ARID5B: variants seen among roughly 807,000 people sequenced by gnomAD.
The protein encoded by ARID5B is AT-rich interactive domain-containing protein 5B.
A neutral mutation model predicts 97.2 loss-of-function variants in ARID5B; 13 were observed. The ratio of observed to expected loss-of-function variants is 0.13; its 90% CI spans 0.09 to 0.21. ARID5B has a LOEUF of 0.21. Among genes scored for constraint, ARID5B ranks in the 10% least tolerant of loss-of-function variants. The pLI is 1.00. For synonymous variants in ARID5B, 556 were observed against 570.3 expected (o/e 0.97, Z 0.36); for missense variants, 1,210 against 1,465.3 (o/e 0.83, Z 2.84).
intron 4 of ARID5B, among the ~76,000 whole-genome samples, chr10:62,020,405 G>A (rs1278090468): frequency 6.6e-6 from 1 of 152,116 alleles, no homozygotes; most frequent in African/African-American, 2.4e-5. Context: ...AATGATCAAA[G>A]AGTCTGTTTG....
intron 4 of ARID5B, among the ~76,000 whole-genome samples, chr10:62,010,458 C>A (rs551277113): frequency 1.3e-5 from 2 of 152,160 alleles, no homozygotes; most frequent in South Asian, 4.1e-4. Context: ...TGAAATGATA[C>A]GAAAACTCTG....
chr10:61,996,325 TA>T (rs1838995194), intron 3 of ARID5B, among the ~76,000 whole-genome samples: 1 of 152,076 alleles, frequency 6.6e-6, no homozygotes, highest in African/African-American at 2.4e-5. Context: ...TCCTCGTCCC[TA>T]ATAGTGTAAA....
intron 3 of ARID5B, among the ~76,000 whole-genome samples, chr10:61,980,872 A>G (rs1197763374): frequency 6.6e-6 from 1 of 152,208 alleles, no homozygotes; most frequent in East Asian, 1.9e-4. Context: ...CTAGGATGCC[A>G]GTATCCCAAA....
intron 4 of ARID5B, among the ~76,000 whole-genome samples, chr10:62,040,179 G>A (rs1352329903): frequency 1.3e-5 from 2 of 151,850 alleles, no homozygotes; most frequent in Non-Finnish European, 2.9e-5. Flanking sequence ...CCAGTCTGTT[G>A]TCAAAGCTTA....
chr10:62,049,223 G>C (rs988416324), intron 4 of ARID5B: 2 of 1,359,174 alleles, frequency 1.5e-6, no homozygotes, highest in African/African-American at 1.5e-5. Flanking sequence ...AGCCCTCCCT[G>C]CCAGTCTGGC....
intron 3 of ARID5B, among the ~76,000 whole-genome samples, chr10:61,971,103 CT>C (rs982911654): frequency 2.0e-5 from 3 of 152,152 alleles, no homozygotes. Context: ...GGCATCCTGC[CT>C]TTTGGCTGGA....
At chr10:61,990,271 G>A (rs898401461) in intron 3 of ARID5B, among the ~76,000 whole-genome samples, 1 of 152,232 alleles carries the variant, frequency 6.6e-6, no homozygotes, top group Non-Finnish European at 1.5e-5. Flanking sequence ...CAGTTGCAGA[G>A]GTGGCTCAGC....
At chr10:61,948,380 A>ATTT (rs71470784) in intron 3 of ARID5B, among the ~76,000 whole-genome samples, 27 of 86,198 alleles carry the variant, frequency 3.1e-4, no homozygotes, top group Admixed American at 2.3e-3. Context: ...ACTTTAGGTA[A>ATTT]TTTTTTTTTT....
rs1840470589 is a variant in ARID5B at position 62,096,373 on chromosome 10, TTGG to T, written c.*3351_*3353del. On this transcript the variant is annotated 3_prime_UTR_variant, in exon 10 of 10. Transcript: ENST00000279873. ...CACTTATCGTCCCACAAAGTCACAT[TTGG>T]TGGTGGTCAGCCAAGTCGCATCTGG... 1 of 233,496 alleles carries T rather than the reference TTGG, an allele frequency of 4.3e-6. No individual in the cohort carries two copies. Among genetic ancestry groups the T allele is most frequent in the South Asian group, 1.8e-4 (1 of 5,532 alleles). The allele number at this position is 233,496 out of a possible 1,614,324, so 14.5% of individuals were successfully genotyped here. A position where few individuals can be genotyped will look rare whatever the true frequency, so the allele number is the denominator to read the frequency against.
chr10:62,055,467 G>T (rs1251684800), intron 5 of ARID5B, among the ~76,000 whole-genome samples: 1 of 152,196 alleles, frequency 6.6e-6, no homozygotes, highest in African/African-American at 2.4e-5. Context: ...TCAGGAAGGG[G>T]TGGGAGGCAA....
intron 2 of ARID5B, among the ~76,000 whole-genome samples, chr10:61,923,616 T>A (rs1844054312): frequency 6.6e-6 from 1 of 152,262 alleles, no homozygotes; most frequent in Non-Finnish European, 1.5e-5. Context: ...CCACCTTGGC[T>A]GCTGTATGAC....
At chr10:62,023,616 T>C (rs1338457627) in intron 4 of ARID5B, among the ~76,000 whole-genome samples, 1 of 152,148 alleles carries the variant, frequency 6.6e-6, no homozygotes, top group African/African-American at 2.4e-5. Flanking sequence ...AACAACAGAC[T>C]CTTGGTGAGA....
rs1840477504 is a variant in ARID5B, at chr10:62,096,817, A to G, written c.*3787A>G. 1 of 233,572 alleles carries G rather than the reference A, an allele frequency of 4.3e-6. No individual in the cohort carries two copies. The highest frequency in any genetic ancestry group is 8.5e-6 in the Non-Finnish European group (1 of 117,994). 14.5% of individuals were successfully genotyped at this position (233,572 alleles called of 1,614,324 possible). A position where few individuals can be genotyped will look rare whatever the true frequency, so the allele number is the denominator to read the frequency against. ...ACACTCAATTTTGTATGTTTTCCAA[A>G]TTGTACTTATTACTGCTTTTGATAC... is the stretch of plus-strand genomic sequence containing the variant. On this transcript the variant is annotated 3_prime_UTR_variant, in exon 10 of 10. Coordinates refer to ENST00000279873, the MANE Select transcript of ARID5B (RefSeq NM_032199.3).
chr10:62,083,431 C>T (rs532858514), intron 8 of ARID5B, among the ~76,000 whole-genome samples: 1 of 151,938 alleles, frequency 6.6e-6, no homozygotes, highest in South Asian at 2.1e-4. Flanking sequence ...TGGCCCAGGG[C>T]TCTCAGAACC....
chr10:61,942,221 C>T (rs1205353203), intron 3 of ARID5B, among the ~76,000 whole-genome samples: 1 of 151,916 alleles, frequency 6.6e-6, no homozygotes, highest in African/African-American at 2.4e-5. Flanking sequence ...CTTAATTCCA[C>T]CCAAAGAAAT....
intron 3 of ARID5B, among the ~76,000 whole-genome samples, chr10:61,963,625 A>G (rs1304422819): frequency 2.0e-5 from 3 of 151,944 alleles, no homozygotes; most frequent in African/African-American, 7.3e-5. Flanking sequence ...AAAGAGCAAC[A>G]CAATTCTTTG....
intron 8 of ARID5B, among the ~76,000 whole-genome samples, chr10:62,076,852 G>T (rs778010603): frequency 1.3e-5 from 2 of 152,162 alleles, no homozygotes; most frequent in Non-Finnish European, 2.9e-5. Context: ...AGGTTACCCA[G>T]TCAATGGACT....
rs12247644 is a variant in ARID5B, at chr10:61,939,994, C to T, written c.277-189C>T. ...ACATAAAAATTATTCCTTAACTAAA[C>T]AACTAGCAGTGAAAAACCATTGAAA... On this transcript the variant is annotated intron_variant, in intron 2 of 9. Transcript: ENST00000279873. Among the ~76,000 whole-genome samples the T allele has an allele frequency of 4.3e-3, 656 of 152,270 alleles. 2 individuals are homozygous for T. The highest frequency in any genetic ancestry group is 0.015 in the African/African-American group (616 of 41,562).
At chr10:61,917,220 C>A (rs1255683702) in intron 2 of ARID5B, among the ~76,000 whole-genome samples, 1 of 151,814 alleles carries the variant, frequency 6.6e-6, no homozygotes, top group Non-Finnish European at 1.5e-5. Context: ...TTCTACCTAG[C>A]ATTGCTGGGC....
Sources: allele counts gnomAD v4.1 joint callset (sites outside exome capture counted in the v4.1 genomes callset), GRCh38; gene constraint gnomAD v4.1.1; transcripts MANE v1.5; gene names NCBI Gene and HGNC (gene_info 2026-07-23, HGNC 2026-07-21).